The following NCK2 variants were observed in gnomAD, a reference collection of about 807,000 sequenced individuals.
NCK2 encodes cytoplasmic protein NCK2.
Under a neutral mutation model 33.9 loss-of-function variants are expected in NCK2, and 16 were observed. That is an observed-to-expected ratio of 0.47 (90% CI 0.32 to 0.72). NCK2 has a LOEUF of 0.72. NCK2 is among the 30% of genes least tolerant of loss of function. The pLI is 0.03. For synonymous variants in NCK2, 273 were observed against 239.9 expected, an observed-to-expected ratio of 1.14 and a Z score of -1.27; for missense variants, 418 against 537.3, an observed-to-expected ratio of 0.78 and a Z score of 2.19.
intron 1 of NCK2, among the ~76,000 whole-genome samples, chr2:105,773,247 G>A (rs890087265): frequency 2.0e-5 from 3 of 151,886 alleles, no homozygotes; most frequent in Non-Finnish European, 4.4e-5. Context: ...TTTTCTTTAA[G>A]AAACCAACAT....
At chr2:105,820,817 A>C (rs1175590091) in intron 2 of NCK2, among the ~76,000 whole-genome samples, 2 of 152,208 alleles carry the variant, frequency 1.3e-5, no homozygotes, top group Non-Finnish European at 2.9e-5. Flanking sequence ...GACATGTCCT[A>C]ATGGACAGAA....
At chr2:105,745,424 G>T (rs1689248165) in intron 1 of NCK2, among the ~76,000 whole-genome samples, 1 of 151,902 alleles carries the variant, frequency 6.6e-6, no homozygotes, top group Non-Finnish European at 1.5e-5. Flanking sequence ...AAGGGCGCGG[G>T]CGAGGATCAG....
chr2:105,849,387 A>G (rs1178900000), intron 2 of NCK2, among the ~76,000 whole-genome samples: 1 of 152,174 alleles, frequency 6.6e-6, no homozygotes, highest in Non-Finnish European at 1.5e-5. Context: ...TGATGCCATC[A>G]GAAAGAAGGA....
At chr2:105,749,315 T>G (rs564778121) in intron 1 of NCK2, among the ~76,000 whole-genome samples, 1 of 152,318 alleles carries the variant, frequency 6.6e-6, no homozygotes, top group East Asian at 1.9e-4. Flanking sequence ...TGCAGTTGCT[T>G]CTTTTGAGAC....
intron 1 of NCK2, among the ~76,000 whole-genome samples, chr2:105,791,238 A>G (rs906456303): frequency 6.6e-6 from 1 of 152,172 alleles, no homozygotes. Context: ...TTCTTAAGAG[A>G]ATGTTGATTC....
intron 3 of NCK2, among the ~76,000 whole-genome samples, chr2:105,857,543 TAG>T (rs2104591063): frequency 1.3e-5 from 2 of 152,348 alleles, no homozygotes; most frequent in South Asian, 4.1e-4. Flanking sequence ...TCCTCTTCTG[TAG>T]AGTGTCAGCC....
At chr2:105,830,671 GT>G (rs1676140197) in intron 2 of NCK2, among the ~76,000 whole-genome samples, 236 of 22,630 alleles carry the variant, frequency 0.01, no homozygotes, top group Admixed American at 0.03. Context: ...CAGGAATTTG[GT>G]GTGTGTGTGT....
intron 3 of NCK2, among the ~76,000 whole-genome samples, chr2:105,863,977 G>T (rs1364622700): frequency 6.8e-6 from 1 of 146,272 alleles, no homozygotes; most frequent in East Asian, 2.1e-4. Context: ...GGCGAGGGGG[G>T]GTGGGGTCTC....
chr2:105,798,462 T>C (rs964523042), intron 1 of NCK2, among the ~76,000 whole-genome samples: 4 of 152,202 alleles, frequency 2.6e-5, no homozygotes, highest in Non-Finnish European at 1.5e-5. Context: ...AAGCACTGAA[T>C]TGTACACTTT....
At chr2:105,866,074 C>A (rs1197974929) in intron 3 of NCK2, among the ~76,000 whole-genome samples, 1 of 152,096 alleles carries the variant, frequency 6.6e-6, no homozygotes, top group African/African-American at 2.4e-5. Context: ...GCCGCCACAC[C>A]CAGTTGATTT....
intron 4 of NCK2, among the ~76,000 whole-genome samples, chr2:105,892,209 T>C (rs1269966744): frequency 3.3e-5 from 5 of 152,082 alleles, no homozygotes; most frequent in African/African-American, 1.2e-4. Context: ...TTAGAAAAAT[T>C]TTGATGTCTT....
At chr2:105,745,414 A>G (rs1014965834) in intron 1 of NCK2, among the ~76,000 whole-genome samples, 5 of 151,614 alleles carry the variant, frequency 3.3e-5, no homozygotes, top group Non-Finnish European at 4.4e-5. Context: ...GACGCCAGCC[A>G]AGGGCGCGGG....
At chr2:105,773,474 C>T (rs1292887203) in intron 1 of NCK2, among the ~76,000 whole-genome samples, 1 of 152,052 alleles carries the variant, frequency 6.6e-6, no homozygotes, top group African/African-American at 2.4e-5. Context: ...ACCACTGCAC[C>T]TGGAACCTGC....
intron 3 of NCK2, among the ~76,000 whole-genome samples, chr2:105,876,089 G>A (rs1678225052): frequency 1.3e-5 from 2 of 152,016 alleles, no homozygotes; most frequent in African/African-American, 4.8e-5. Context: ...CTAATACACA[G>A]CATGCCAGCC....
At chr2:105,811,288 G>A (rs1030368557) in intron 1 of NCK2, among the ~76,000 whole-genome samples, 7 of 152,196 alleles carry the variant, frequency 4.6e-5, no homozygotes, top group African/African-American at 1.2e-4. Context: ...TATAGGATTG[G>A]AGTTGAGTGG....
At position 105,855,084 on chromosome 2, in the gene NCK2, G is replaced by T. The variant is rs1677205723; in HGVS notation, c.21G>T (p.Val7=). Residue 7 remains valine (V), a synonymous_variant, in exon 3 of 5, where the codon GTG becomes GTT. Transcript: ENST00000233154. MTEEVI[V]IAKWDYTAQQ... ...GAAAGATGACAGAAGAAGTTATTGT[G>T]ATAGCCAAGTGGGACTACACCGCCC... 6.2e-7 allele frequency: 1 copy of T among 1,614,192 alleles called. No homozygotes were observed. The highest frequency in any genetic ancestry group is 1.3e-5 in the African/African-American group (1 of 75,042).
intron 1 of NCK2, among the ~76,000 whole-genome samples, chr2:105,795,410 T>C (rs763646517): frequency 6.6e-6 from 1 of 152,256 alleles, no homozygotes; most frequent in Non-Finnish European, 1.5e-5. Flanking sequence ...AATCATGATA[T>C]TGAGTTAAAC....
intron 1 of NCK2, among the ~76,000 whole-genome samples, chr2:105,764,565 A>G (rs1689873439): frequency 6.6e-6 from 1 of 152,208 alleles, no homozygotes; most frequent in Non-Finnish European, 1.5e-5. Context: ...GTGGGGTTTC[A>G]GCAGTACCAG....
intron 1 of NCK2, among the ~76,000 whole-genome samples, chr2:105,789,646 C>T (rs1690807748): frequency 6.6e-6 from 1 of 152,230 alleles, no homozygotes; most frequent in Non-Finnish European, 1.5e-5. Context: ...GCCTTCGGAA[C>T]CAGCTGTAAA....
Sources: gnomAD v4.1 joint callset for allele counts (sites outside exome capture counted in the v4.1 genomes callset) on GRCh38, gnomAD v4.1.1 for gene constraint, MANE v1.5 for transcripts, NCBI Gene and HGNC (gene_info 2026-07-23, HGNC 2026-07-21) for gene names.